Variants in PNLIPRP3 observed in about 807,000 individuals in gnomAD.
The protein encoded by PNLIPRP3 is pancreatic lipase-related protein 3.
A neutral mutation model predicts 52.8 loss-of-function variants in PNLIPRP3; 58 were observed. That is an observed-to-expected ratio of 1.10 (90% CI 0.89 to 1.37). The LOEUF is 1.37. Among genes scored for constraint, PNLIPRP3 ranks in the 40% most tolerant of loss-of-function variants. The probability of loss-of-function intolerance (pLI) is 0.00; values close to 1 mark genes in which losing one functional copy is unlikely to be tolerated. For missense variants in PNLIPRP3, 593 were observed against 561.6 expected, an observed-to-expected ratio of 1.06 and a Z score of -0.57; for synonymous variants, 192 against 185.0, an observed-to-expected ratio of 1.04 and a Z score of -0.31.
chr10:116,463,531 C>G (rs1417421160), intron 7 of PNLIPRP3, among the ~76,000 whole-genome samples: 2 of 152,112 alleles, frequency 1.3e-5, no homozygotes, highest in Non-Finnish European at 2.9e-5. Flanking sequence ...TAGAACTTAA[C>G]CAATGTCAGT....
At chr10:116,476,285 G>C (rs1256124492) in intron 10 of PNLIPRP3, among the ~76,000 whole-genome samples, 2 of 152,182 alleles carry the variant, frequency 1.3e-5, no homozygotes, top group Admixed American at 6.5e-5. Context: ...CTGGTTTGTA[G>C]ATAAGTCTTG....
intron 1 of PNLIPRP3, among the ~76,000 whole-genome samples, chr10:116,429,686 T>C (rs749585453): frequency 6.6e-6 from 1 of 152,194 alleles, no homozygotes; most frequent in African/African-American, 2.4e-5. Context: ...ACAGTCCTAA[T>C]TGAGTGCTGA....
intron 1 of PNLIPRP3, among the ~76,000 whole-genome samples, chr10:116,431,820 A>C (rs1030739695): frequency 6.6e-6 from 1 of 152,042 alleles, no homozygotes; most frequent in Non-Finnish European, 1.5e-5. Context: ...CTCATTCCTC[A>C]GTCACAGTAG....
In PNLIPRP3 at chr10:116,469,294, C is replaced by T; in HGVS notation, c.1037C>T (p.Thr346Ile). ...AATGGATCACATTATTTTTTAAACA[C>T]AGGGTCCCTTTCCCCATTTGCCCGT... ...KTNGSHYFLN[T>I]GSLSPFARWR... Residue 346 changes from threonine to isoleucine, a missense_variant, in exon 9 of 12, where the codon ACA becomes ATA. Coordinates refer to ENST00000369230, the MANE Select transcript of PNLIPRP3 (RefSeq NM_001011709.3). 1 of 1,607,554 alleles carries T rather than the reference C, an allele frequency of 6.2e-7. No individual in the cohort carries two copies. The highest frequency in any genetic ancestry group is 1.1e-5 in the South Asian group (1 of 89,176).
intron 4 of PNLIPRP3, among the ~76,000 whole-genome samples, chr10:116,447,936 G>T (rs1293849534): frequency 1.5e-5 from 2 of 136,956 alleles, no homozygotes; most frequent in Non-Finnish European, 3.1e-5. Context: ...ACTCCAGCCT[G>T]GGCAGCAGAG....
intron 2 of PNLIPRP3, among the ~76,000 whole-genome samples, chr10:116,439,095 A>G (rs536914596): frequency 3.9e-5 from 6 of 152,326 alleles, no homozygotes; most frequent in Non-Finnish European, 7.4e-5. Context: ...GTTCTGGAGA[A>G]AGATGGTAGT....
At chr10:116,442,191 A>C (rs1361793929) in intron 2 of PNLIPRP3, among the ~76,000 whole-genome samples, 2 of 152,204 alleles carry the variant, frequency 1.3e-5, no homozygotes, top group African/African-American at 2.4e-5. Flanking sequence ...TAACAAAATC[A>C]CTTAAATTTA....
rs1845882062 is a variant in PNLIPRP3 at position 116,443,145 on chromosome 10, G to A, written c.295G>A (p.Asp99Asn). The change falls in exon 3 of 12, where the codon GAT (aspartate) becomes AAT (asparagine). Residue 99 changes from aspartate (D) to asparagine (N), a missense_variant. Coordinates refer to ENST00000369230, the MANE Select transcript of PNLIPRP3 (RefSeq NM_001011709.3). ...TRINIAGWKT[D>N]GKWQRDMCNV... ...TATCAACATAGCTGGATGGAAAACA[G>A]ATGGCAAATGGCAGAGAGACATGTG... The A allele has an allele frequency of 1.2e-6, 2 of 1,610,956 alleles. No individual in the cohort carries two copies. Among genetic ancestry groups the A allele is most frequent in the Admixed American group, 1.7e-5 (1 of 59,808 alleles).
chr10:116,456,000 G>A (rs1278396879), intron 5 of PNLIPRP3, among the ~76,000 whole-genome samples, 170 bp downstream of exon 5: 5 of 152,238 alleles, frequency 3.3e-5, no homozygotes, highest in African/African-American at 7.2e-5. Context: ...GTGCAGATTC[G>A]CTTCAAGGGG....
At chr10:116,465,203 G>A (rs548933826) in intron 7 of PNLIPRP3, among the ~76,000 whole-genome samples, 64 of 152,238 alleles carry the variant, frequency 4.2e-4, no homozygotes, top group Non-Finnish European at 6.9e-4. Flanking sequence ...GGGAGGTGTT[G>A]GCTGTAGGTA....
At chr10:116,459,104 G>T (rs926389288) in intron 5 of PNLIPRP3, among the ~76,000 whole-genome samples, 5 of 151,830 alleles carry the variant, frequency 3.3e-5, no homozygotes, top group African/African-American at 1.2e-4. Flanking sequence ...CTATGATTCC[G>T]CATCTTCTTG....
chr10:116,445,599 A>C, intron 4 of PNLIPRP3, among the ~76,000 whole-genome samples: 1 of 149,990 alleles, frequency 6.7e-6, no homozygotes, highest in South Asian at 2.1e-4. Flanking sequence ...GAGTTTCTTT[A>C]TTGACCTTAG....
chr10:116,461,367 T>C (rs1564702053), intron 7 of PNLIPRP3, 77 bp downstream of exon 7: 2 of 1,488,790 alleles, frequency 1.3e-6, no homozygotes, highest in Non-Finnish European at 1.8e-6. Flanking sequence ...CCACCTACTT[T>C]TGTGTATAAT....
chr10:116,468,944 C>A (rs974083808), intron 8 of PNLIPRP3, among the ~76,000 whole-genome samples: 7 of 152,202 alleles, frequency 4.6e-5, no homozygotes, highest in African/African-American at 1.4e-4. Context: ...TGAGTTTCCT[C>A]TTCCGTGGAT....
In PNLIPRP3 at chr10:116,476,711, G is replaced by T. The variant is rs147980781; in HGVS notation, c.1232G>T (p.Gly411Val). 47 of 1,604,778 alleles carry T rather than the reference G, an allele frequency of 2.9e-5. 1 individual carries two copies. Among genetic ancestry groups the T allele is most frequent in the Admixed American group, 5.2e-5 (3 of 57,580 alleles). ...TTAATCGATGCAGATGTTAACGTTG[G>T]AAACATTACAAGTGTTCAGTTCATC... ...TKLIDADVNV[G>V]NITSVQFIWK... Residue 411 changes from glycine (G) to valine (V), a missense_variant, in exon 11 of 12, where the codon GGA (glycine) becomes GTA (valine). Coordinates refer to ENST00000369230, the MANE Select transcript of PNLIPRP3 (RefSeq NM_001011709.3).
At chr10:116,474,072 A>G (rs909878312) in intron 10 of PNLIPRP3, among the ~76,000 whole-genome samples, 4 of 152,048 alleles carry the variant, frequency 2.6e-5, no homozygotes, top group Non-Finnish European at 5.9e-5. Context: ...CCAAAACAGC[A>G]TGGTACTGCT....
At chr10:116,471,082 TC>T (rs1318457027) in intron 9 of PNLIPRP3, among the ~76,000 whole-genome samples, 2 of 152,242 alleles carry the variant, frequency 1.3e-5, no homozygotes, top group East Asian at 3.8e-4. Flanking sequence ...CTTTCCCCTT[TC>T]AATTATTTTC....
At chr10:116,442,982 TTAGAA>T in intron 2 of PNLIPRP3, 68 bp from the exon 3 acceptor site, 3 of 1,217,348 alleles carry the variant, frequency 2.5e-6, no homozygotes, top group East Asian at 2.8e-5. Flanking sequence ...TCGAGCAGCT[TTAGAA>T]TAGGTCTACT....
At chr10:116,466,267 A>C in intron 8 of PNLIPRP3, 99 bp downstream of exon 8, 1 of 788,834 alleles carries the variant, frequency 1.3e-6, no homozygotes, top group Non-Finnish European at 2.0e-6. Context: ...AGCAAAAAAA[A>C]TGCACCTGCC....
Sources: gnomAD v4.1 joint callset for allele counts (sites outside exome capture counted in the v4.1 genomes callset) on GRCh38, gnomAD v4.1.1 for gene constraint, MANE v1.5 for transcripts, NCBI Gene and HGNC (gene_info 2026-07-23, HGNC 2026-07-21) for gene names.